MXRA5: variants seen among roughly 807,000 people sequenced by gnomAD.
MXRA5 encodes matrix-remodeling-associated protein 5.
A neutral mutation model predicts 112.5 loss-of-function variants in MXRA5; 41 were observed. The observed-to-expected ratio is 0.36, with a 90% CI of 0.28 to 0.47. MXRA5 has a LOEUF of 0.47. Among genes scored for constraint, MXRA5 ranks in the 20% least tolerant of loss-of-function variants. The pLI is 0.99. For synonymous variants in MXRA5, 862 were observed against 900.8 expected, an observed-to-expected ratio of 0.96 and a Z score of 0.77; for missense variants, 2,150 against 2,251.0, an observed-to-expected ratio of 0.96 and a Z score of 0.91.
intron 3 of MXRA5, 38 bp downstream of exon 3, chrX:3,330,606 A>G (rs1252390198): frequency 8.4e-7 from 1 of 1,196,947 alleles, no homozygotes; most frequent in Non-Finnish European, 1.1e-6. Context: ...GTCTTAGAGG[A>G]TGCAATTTAG....
chrX:3,320,525 T>C lies in MXRA5; in HGVS notation c.5160A>G (p.Pro1720=), dbSNP rs1205901548. The change falls in exon 5 of 7, where the codon CCA becomes CCG. Residue 1720 remains proline (P), a synonymous_variant. Coordinates refer to ENST00000217939, the MANE Select transcript of MXRA5 (RefSeq NM_015419.4). ...TTCCATTGGAATAATGAGGAATTCT[T>C]GGACTGGGAGGCTTTCCAACTGGGT... is the stretch of plus-strand genomic sequence containing the variant. ...ARNPVGKPPS[P]RIPHYSNGRL... 1 of 1,210,119 alleles carries C rather than the reference T, an allele frequency of 8.3e-7. No homozygotes were observed. The highest frequency in any genetic ancestry group is 1.7e-5 in the African/African-American group (1 of 57,228).
intron 2 of MXRA5, among the ~76,000 whole-genome samples, chrX:3,337,933 G>A (rs897030803): frequency 1.8e-5 from 2 of 111,766 alleles, no homozygotes; most frequent in Non-Finnish European, 3.8e-5. Flanking sequence ...AAGGCTGGGA[G>A]AGACAGGTGT....
rs140884525 is a variant in MXRA5, at chrX:3,310,358, G to A, written c.7845C>T (p.Arg2615=). ...GGCCAGCGGCATTGCGGGCCACGCA[G>A]CGGTAGGCCCCGGCGTCCACCGAGG... ...GLSSVDAGAY[R]CVARNAAGHT... is the part of the protein sequence containing the mutation. The change falls in exon 7 of 7, where the codon CGC becomes CGT. Residue 2615 remains arginine (R), a synonymous_variant. Coordinates refer to ENST00000217939, the MANE Select transcript of MXRA5 (RefSeq NM_015419.4). 682 of 1,202,417 alleles carry A rather than the reference G, an allele frequency of 5.7e-4. 1 individual carries two copies. The highest frequency in any genetic ancestry group is 7.4e-4 in the Non-Finnish European group (661 of 890,705).
Position 3,310,851 on chromosome X carries a change from G to A in MXRA5, c.7352C>T (p.Thr2451Ile). 2.5e-5 allele frequency: 30 copies of A among 1,210,928 alleles called. No individual in the cohort carries two copies. Among genetic ancestry groups the A allele is most frequent in the Non-Finnish European group, 3.4e-5 (30 of 895,254 alleles). ...KINGNPNPIT[T>I]VREIAAGGSR... ...GCCCCCGGCTGCTATCTCCCGCACA[G>A]TGGTGATGGGGTTGGGGTTACCGTT... Residue 2451 changes from threonine (T) to isoleucine (I), a missense_variant, in exon 7 of 7, where the codon ACT becomes ATT. This residue lies in a region of MXRA5 where 93 missense variants were observed against 135.5 expected (regional missense o/e 0.69). Coordinates refer to ENST00000217939, the MANE Select transcript of MXRA5 (RefSeq NM_015419.4).
rs748355325 is a variant in MXRA5, at chrX:3,310,147, C to T, written c.8056G>A (p.Gly2686Arg). 34 of 1,209,784 alleles carry T rather than the reference C, an allele frequency of 2.8e-5. No homozygotes were observed. The South Asian group carries it at 5.5e-4, about 19-fold the overall frequency. ...CCATTGTCCAGAAGAGAAACGCGTC[C>T]CAGGGTTTGGGGGCCCTCCAGATGC... is the stretch of plus-strand genomic sequence containing the variant. Reference protein sequence around the residue: ...GMHLEGPQTLGRVSLLDNGTL... With the variant: ...GMHLEGPQTLRRVSLLDNGTL... The change falls in exon 7 of 7, where the codon GGA (glycine) becomes AGA (arginine). Residue 2686 changes from glycine to arginine, a missense_variant. Coordinates refer to ENST00000217939, the MANE Select transcript of MXRA5 (RefSeq NM_015419.4).
chrX:3,320,339 A>T lies in MXRA5; in HGVS notation c.5346T>A (p.Phe1782Leu), dbSNP rs1261702954. 8.3e-7 allele frequency: 1 copy of T among 1,210,373 alleles called. No homozygotes were observed. The highest frequency in any genetic ancestry group is 1.7e-5 in the African/African-American group (1 of 57,266). ...GCAACAACGGAGGTGCCGGAGGGCC[A>T]AAGTCCAGATGGAAGGTGCTATGGG... Reference protein sequence around the residue: ...IHSHSTFHLDFGPPAPPLLHT... With the variant: ...IHSHSTFHLDLGPPAPPLLHT... The change falls in exon 5 of 7, where the codon TTT becomes TTA. Residue 1782 changes from phenylalanine (F) to leucine (L), a missense_variant. Physicochemically the swap from Phe to Leu is conservative, Grantham distance 22 (BLOSUM62 0). This residue lies in a region of MXRA5 where 1,485 missense variants were observed against 1,471.6 expected (regional missense o/e 1.01). Coordinates refer to ENST00000217939, the MANE Select transcript of MXRA5 (RefSeq NM_015419.4).
Position 3,320,292 on chromosome X carries a change from G to A in MXRA5, c.5393C>T (p.Ser1798Leu). The change falls in exon 5 of 7, where the codon TCA becomes TTA. Residue 1798 changes from serine to leucine, a missense_variant. Around this residue, in one of 6 missense-constraint regions of MXRA5, gnomAD observed 1,485 missense variants for 1,471.6 expected, o/e 1.01. Transcript: ENST00000217939. The part of the protein sequence containing the change: ...PLLHTPQTTG[S>L]PSTNLQNIPM... ...GATATTCTGTAAGTTAGTTGAGGGT[G>A]ATCCCGTGGTCTGCGGAGTGTGCAA... 8.3e-7 allele frequency: 1 copy of A among 1,211,657 alleles called. No individual in the cohort carries two copies. The highest frequency in any genetic ancestry group is 1.1e-6 in the Non-Finnish European group (1 of 895,307).
At chrX:3,342,037 C>G (rs1224713388) in intron 2 of MXRA5, among the ~76,000 whole-genome samples, 1 of 74,742 alleles carries the variant, frequency 1.3e-5, no homozygotes, top group African/African-American at 4.5e-5. Context: ...GGTACATATA[C>G]ACCATGGAAT....
chrX:3,316,297 G>A (rs1921128303), intron 6 of MXRA5, among the ~76,000 whole-genome samples: 1 of 88,261 alleles, frequency 1.1e-5, no homozygotes, highest in East Asian at 3.5e-4. Flanking sequence ...CTGGGCCACA[G>A]AGCGAGATTC....
At position 3,320,313 on chromosome X, in the gene MXRA5, T is replaced by C. The variant is rs369769079; in HGVS notation, c.5372A>G (p.His1791Arg). 1.9e-5 allele frequency: 23 copies of C among 1,210,138 alleles called. No homozygotes were observed. In the African/African-American group the frequency reaches 2.3e-4, roughly 12 times the overall value. The change falls in exon 5 of 7, where the codon CAC (histidine) becomes CGC (arginine). Residue 1791 changes from histidine (H) to arginine (R), a missense_variant. Physicochemically the swap from His to Arg is conservative, Grantham distance 29 (BLOSUM62 0). Transcript: ENST00000217939. Reference sequence around the variant, plus strand: ...GGGTGATCCCGTGGTCTGCGGAGTGTGCAACAACGGAGGTGCCGGAGGGCC... The same window carrying C: ...GGGTGATCCCGTGGTCTGCGGAGTGCGCAACAACGGAGGTGCCGGAGGGCC... ...DFGPPAPPLL[H>R]TPQTTGSPST...
chrX:3,337,138 A>T (rs1311206362), intron 2 of MXRA5, among the ~76,000 whole-genome samples: 1 of 112,310 alleles, frequency 8.9e-6, no homozygotes, highest in East Asian at 2.8e-4. Flanking sequence ...GGGAGCTGAG[A>T]TTTGAAGTAG....
In MXRA5 at chrX:3,338,778, G is replaced by C. The variant is rs142301638; in HGVS notation, c.188+4868C>G. Among the ~76,000 whole-genome samples the C allele has an allele frequency of 5.1e-3, 565 of 110,588 alleles. 4 individuals carry two copies. Among genetic ancestry groups the C allele is most frequent in the African/African-American group, 0.018 (540 of 30,409 alleles). On this transcript the variant is annotated intron_variant, in intron 2 of 6. Coordinates refer to ENST00000217939, the MANE Select transcript of MXRA5 (RefSeq NM_015419.4). Reference sequence around the variant, plus strand: ...TAGAGAGATAGATTGGCTGATTGATGATGATAGGTAGGTAGATAGGTGATA... The same window carrying C: ...TAGAGAGATAGATTGGCTGATTGATCATGATAGGTAGGTAGATAGGTGATA...
At chrX:3,316,231 G>C (rs1305014209) in intron 6 of MXRA5, among the ~76,000 whole-genome samples, 1 of 42,623 alleles carries the variant, frequency 2.3e-5, no homozygotes, top group Non-Finnish European at 3.8e-5. Context: ...GGAGAATGGC[G>C]TGAACCCGGG....
chrX:3,335,635 T>C (rs1411511136), intron 2 of MXRA5, among the ~76,000 whole-genome samples: 1 of 112,625 alleles, frequency 8.9e-6, no homozygotes. Context: ...TCAGAGGTTT[T>C]TGTTTGACTG....
chrX:3,340,405 C>T (rs758037015), intron 2 of MXRA5, among the ~76,000 whole-genome samples: 52 of 111,782 alleles, frequency 4.7e-4, no homozygotes, highest in Non-Finnish European at 8.7e-4. Context: ...TTTTCTGAAA[C>T]AATGCTATTA....
chrX:3,346,251 G>T (rs887263426), intron 1 of MXRA5, among the ~76,000 whole-genome samples: 1 of 111,818 alleles, frequency 8.9e-6, no homozygotes, highest in African/African-American at 3.2e-5. Flanking sequence ...AGGAGGCATG[G>T]GATGTCTGGG....
intron 6 of MXRA5, 72 bp downstream of exon 6, chrX:3,317,031 C>T (rs1251482337): frequency 5.9e-6 from 6 of 1,025,153 alleles, no homozygotes. Context: ...GCATATTCAT[C>T]CTGAAAAAGG....
In MXRA5 at chrX:3,311,530, T is replaced by C. The variant is rs774358380; in HGVS notation, c.6673A>G (p.Asn2225Asp). The change falls in exon 7 of 7, where the codon AAT becomes GAT. Residue 2225 changes from asparagine to aspartate, a missense_variant. Physicochemically the swap from Asn to Asp is conservative, Grantham distance 23. This residue lies in a region of MXRA5 where 1,485 missense variants were observed against 1,471.6 expected (regional missense o/e 1.01). Coordinates refer to ENST00000217939, the MANE Select transcript of MXRA5 (RefSeq NM_015419.4). ...ACCACGTAGTCATCACCAACCTTAT[T>C]TCGAGCTACGCACAGGTAATCTCCG... is the stretch of plus-strand genomic sequence containing the variant. ...DAGDYLCVAR[N>D]KVGDDYVVLK... The C allele has an allele frequency of 4.1e-6, 5 of 1,210,183 alleles. No individual in the cohort carries two copies. Among genetic ancestry groups the C allele is most frequent in the Non-Finnish European group, 4.5e-6 (4 of 895,320 alleles).
At chrX:3,339,900 C>G (rs778016525) in intron 2 of MXRA5, among the ~76,000 whole-genome samples, 6 of 111,934 alleles carry the variant, frequency 5.4e-5, no homozygotes, top group Non-Finnish European at 1.1e-4. Context: ...AATGTATAAC[C>G]AACTCTGTGA....
Sources: allele counts gnomAD v4.1 joint callset (sites outside exome capture counted in the v4.1 genomes callset), GRCh38; gene constraint gnomAD v4.1.1; regional missense constraint gnomAD v4.1.1; transcripts MANE v1.5; gene names NCBI Gene and HGNC (gene_info 2026-07-23, HGNC 2026-07-21).